Variants in MBD1 observed in about 807,000 individuals in gnomAD.
MBD1 encodes the protein methyl-CpG binding domain protein 1, also known as methyl-CpG-binding domain protein 1.
MBD1 carries 25 observed loss-of-function variants against 82.6 expected under a neutral mutation model. The observed-to-expected ratio is 0.30, with a 90% CI of 0.22 to 0.42. The LOEUF is 0.42. MBD1 is among the 10% of genes least tolerant of loss of function. The pLI is 1.00. For missense variants in MBD1, 627 were observed against 819.6 expected (o/e 0.76, Z 2.87); for synonymous variants, 301 against 303.7 (o/e 0.99, Z 0.09).
At chr18:50,272,490 G>T in intron 15 of MBD1, 187 bp downstream of exon 15, 1 of 706,198 alleles carries the variant, frequency 1.4e-6, no homozygotes, top group Non-Finnish European at 2.5e-6. Flanking sequence ...AATGCTATTG[G>T]GCTGGATCTC....
rs762967690 is a variant in MBD1, at chr18:50,275,889, T to C, written c.609A>G (p.Ala203=). 3 of 1,614,190 alleles carry C rather than the reference T, an allele frequency of 1.9e-6. No homozygotes were observed. Among genetic ancestry groups the C allele is most frequent in the Non-Finnish European group, 2.5e-6 (3 of 1,180,018 alleles). ...TCLLQLPHDV[A]SGLFCKCERR... is the part of the protein sequence containing the mutation. ...GTTCACACTTGCAGAACAGCCCCGA[T>C]GCCACATCATGGGGCAGCTGCAGGA... is the stretch of plus-strand genomic sequence containing the variant. Residue 203 remains alanine (A), a synonymous_variant, in exon 7 of 17, where the codon GCA becomes GCG. Transcript: ENST00000269468.
At chr18:50,267,891 C>A (rs573114886), downstream of MBD1, among the ~76,000 whole-genome samples, 1 of 152,322 alleles carries the variant, frequency 6.6e-6, no homozygotes, top group South Asian at 2.1e-4. Flanking sequence ...TTTCTAAATA[C>A]GAATTCCATT....
chr18:50,275,229 C>T lies in MBD1; in HGVS notation c.809G>A (p.Arg270His), dbSNP rs750294772. The T allele has an allele frequency of 6.2e-6, 10 of 1,613,988 alleles. No homozygotes were observed. The Admixed American group carries it at 8.3e-5, about 13-fold the overall frequency. The change falls in exon 9 of 17, where the codon CGC becomes CAC. Residue 270 changes from arginine to histidine, a missense_variant. This residue lies in a region of MBD1 where 228 missense variants were observed against 318.1 expected (regional missense o/e 0.72). Transcript: ENST00000269468. The part of the protein sequence containing the change: ...RRCLRGKHAR[R>H]KGGCDSKMAA... The stretch of plus-strand genomic sequence containing the variant: ...CATCTTGGAGTCACAGCCTCCCTTG[C>T]GGCGGGCATGTTTACCCTGGGAAAG...
chr18:50,281,095 T>C, intron 1 of MBD1: 2 of 1,448,672 alleles, frequency 1.4e-6, no homozygotes, highest in Admixed American at 4.0e-5. Flanking sequence ...GATGCCCCGA[T>C]GTCTCCCTTT....
rs544545616 is a variant in MBD1, at chr18:50,269,541, T to C, written c.*310A>G. ...TAGATCACCTCGTTGGTGTGGGCAG[T>C]AGTCAGGCCTGCAGCCAGGCCTGCA... On this transcript the variant is annotated 3_prime_UTR_variant, in exon 17 of 17. Coordinates refer to ENST00000269468, the MANE Select transcript of MBD1 (RefSeq NM_015846.4). The C allele has an allele frequency of 3.2e-4, 229 of 717,950 alleles. 1 individual carries two copies. The South Asian group carries it at 3.3e-3, about 10-fold the overall frequency. The allele number at this position is 717,950 out of a possible 1,614,324, so 44.5% of individuals were successfully genotyped here.
rs1427232385 is a variant in MBD1, at chr18:50,275,166, G to A, written c.872C>T (p.Pro291Leu). The change falls in exon 9 of 17, where the codon CCA becomes CTA. Residue 291 changes from proline to leucine, a missense_variant. Pro to Leu is a moderately conservative substitution (Grantham distance 98). Transcript: ENST00000269468. The part of the protein sequence containing the change: ...RRRPGAQPLP[P>L]PPPSQSPEPT... ...CTCTGGGGACTGTGATGGGGGTGGT[G>A]GAGGCAGTGGCTGGGCTCCGGGGCG... is the stretch of plus-strand genomic sequence containing the variant. 1.2e-6 allele frequency: 2 copies of A among 1,614,148 alleles called. No individual in the cohort carries two copies. Among genetic ancestry groups the A allele is most frequent in the African/African-American group, 2.7e-5 (2 of 75,056 alleles).
At chr18:50,276,028 C>T (rs140688) in intron 6 of MBD1, 47 bp from the exon 7 acceptor site, 317,324 of 1,590,244 alleles carry the variant, frequency 0.2, 32,012 homozygotes, top group Non-Finnish European at 0.21. Flanking sequence ...TCCAGAAGCA[C>T]TGGTCCTCCC....
chr18:50,271,284 CTCTT>C, intron 16 of MBD1, 181 bp downstream of exon 16: 2 of 1,465,152 alleles, frequency 1.4e-6, no homozygotes, highest in Non-Finnish European at 1.8e-6. Context: ...CAACTTTCTA[CTCTT>C]TCTCTTCCTT....
At position 50,269,277 on chromosome 18, in the gene MBD1, T is replaced by C; in HGVS notation, c.*574A>G. 8.5e-7 allele frequency: 1 copy of C among 1,180,988 alleles called. No individual in the cohort carries two copies. Among genetic ancestry groups the C allele is most frequent in the Non-Finnish European group, 1.1e-6 (1 of 943,968 alleles). The allele number at this position is 1,180,988 out of a possible 1,614,324, so 73.2% of individuals were successfully genotyped here. A position where few individuals can be genotyped will look rare whatever the true frequency, so the allele number is the denominator to read the frequency against. On this transcript the variant is annotated 3_prime_UTR_variant, in exon 17 of 17. Coordinates refer to ENST00000269468, the MANE Select transcript of MBD1 (RefSeq NM_015846.4). ...TTTCAGCCACATAGTTATATTGAGT[T>C]ATCCTCAGGTGAGCAGTGAGACCCT...
chr18:50,277,025 G>T, intron 3 of MBD1, 27 bp from the exon 4 acceptor site: 1 of 1,614,192 alleles, frequency 6.2e-7, no homozygotes. Flanking sequence ...GGAGGAATAT[G>T]GGTCAGTGGT....
At position 50,279,924 on chromosome 18, in the gene MBD1, C is replaced by T. The variant is rs1300139222; in HGVS notation, c.69G>A (p.Lys23=). The stretch of plus-strand genomic sequence containing the variant: ...CTGAGCGTCCACAGGTGGCCCCTGA[C>T]TTGCGAAAGACTTCGCGGCGCTTCC... ...PGWKRREVFR[K]SGATCGRSDT... The change falls in exon 2 of 17, where the codon AAG becomes AAA. Residue 23 remains lysine, a synonymous_variant. Coordinates refer to ENST00000269468, the MANE Select transcript of MBD1 (RefSeq NM_015846.4). The T allele has an allele frequency of 1.9e-6, 3 of 1,613,916 alleles. No individual in the cohort carries two copies. Among genetic ancestry groups the T allele is most frequent in the Admixed American group, 3.3e-5 (2 of 60,024 alleles).
downstream of MBD1, chr18:50,267,744 A>G: frequency 9.3e-6 from 8 of 862,596 alleles, no homozygotes; most frequent in Admixed American, 6.0e-5. Context: ...AGCACATGCA[A>G]CAAATCAGTA....
chr18:50,277,455 G>A (rs1313068961), intron 2 of MBD1, among the ~76,000 whole-genome samples: 2 of 151,506 alleles, frequency 1.3e-5, no homozygotes, highest in African/African-American at 2.4e-5. Context: ...TAGTAATACT[G>A]GAACTATTTC....
At chr18:50,279,711 A>T in intron 2 of MBD1, 172 bp downstream of exon 2, 1 of 865,054 alleles carries the variant, frequency 1.2e-6, no homozygotes, top group Non-Finnish European at 1.7e-6. Context: ...AGTGACTTTT[A>T]AGTTACAAAT....
At chr18:50,271,029 G>A in intron 16 of MBD1, 1 of 1,011,148 alleles carries the variant, frequency 9.9e-7, no homozygotes, top group Non-Finnish European at 1.2e-6. Context: ...GGTCCACAGA[G>A]GAACACACCA....
intron 5 of MBD1, 61 bp downstream of exon 5, chr18:50,276,601 A>G (rs10775495): frequency 0.7 from 1,109,049 of 1,575,800 alleles, 392,117 homozygotes; most frequent in Admixed American, 0.76. Context: ...CCAGCCTAGC[A>G]TGACACTGGA....
chr18:50,275,453 CAG>C, intron 8 of MBD1, 145 bp downstream of exon 8: 1 of 1,600,248 alleles, frequency 6.2e-7, no homozygotes, highest in Non-Finnish European at 8.5e-7. Flanking sequence ...TGCTGGCAGA[CAG>C]AGGCAGGTAG....
At chr18:50,274,149 C>T in intron 11 of MBD1, 37 bp downstream of exon 11, 5 of 1,612,630 alleles carry the variant, frequency 3.1e-6, no homozygotes, top group Non-Finnish European at 4.2e-6. Context: ...CCTGGCCCAA[C>T]CTATCCCGTC....
intron 1 of MBD1, 134 bp downstream of exon 1, chr18:50,281,229 G>A (rs1319575187): frequency 1.3e-6 from 2 of 1,534,216 alleles, no homozygotes; most frequent in Non-Finnish European, 1.7e-6. Context: ...CTCCTCGTCA[G>A]TATTCCGACG....
Sources: gnomAD v4.1 joint callset for allele counts (sites outside exome capture counted in the v4.1 genomes callset) on GRCh38, gnomAD v4.1.1 for gene constraint, gnomAD v4.1.1 regional missense constraint, MANE v1.5 for transcripts, NCBI Gene and HGNC (gene_info 2026-07-23, HGNC 2026-07-21) for gene names.